TCAF1: variants seen among roughly 807,000 people sequenced by gnomAD.
TCAF1 encodes the protein TRPM8 channel-associated factor 1.
A neutral mutation model predicts 27.3 loss-of-function variants in TCAF1; 4 were observed. The observed-to-expected ratio is 0.15, with a 90% CI of 0.07 to 0.34. TCAF1 has a LOEUF of 0.34. Among genes scored for constraint, TCAF1 ranks in the 10% least tolerant of loss-of-function variants. The pLI is 1.00. For synonymous variants in TCAF1, 105 were observed against 167.1 expected (o/e 0.63, Z 2.87); for missense variants, 257 against 425.8 (o/e 0.60, Z 3.49).
chr7:143,887,953 G>C (rs1035246388), intron 1 of TCAF1, among the ~76,000 whole-genome samples: 4 of 152,264 alleles, frequency 2.6e-5, no homozygotes, highest in Admixed American at 6.5e-5. Flanking sequence ...GTAGTGACTA[G>C]AGAGGAACAC....
chr7:143,859,921 T>G, intron 6 of TCAF1, among the ~76,000 whole-genome samples: 1 of 74,952 alleles, frequency 1.3e-5, no homozygotes, highest in South Asian at 3.9e-4. Context: ...TTACGGAATA[T>G]ATATTATATA....
At chr7:143,886,901 C>T (rs1289239423) in intron 1 of TCAF1, among the ~76,000 whole-genome samples, 2 of 140,822 alleles carry the variant, frequency 1.4e-5, no homozygotes, top group Admixed American at 7.3e-5. Context: ...GAGATGGGGT[C>T]TCACTTTGTT....
intron 1 of TCAF1, chr7:143,882,983 G>C: frequency 1.6e-6 from 1 of 615,236 alleles, no homozygotes; most frequent in Non-Finnish European, 2.0e-6. Flanking sequence ...GCTTCTTTGT[G>C]TCGCCGGCCC....
chr7:143,885,360 T>G, intron 1 of TCAF1: 4 of 979,522 alleles, frequency 4.1e-6, no homozygotes, highest in Non-Finnish European at 3.6e-6. Context: ...TGGGCTGCAG[T>G]GCAGACGGTT....
intron 2 of TCAF1, among the ~76,000 whole-genome samples, chr7:143,874,464 T>C (rs1332571483): frequency 1.0e-5 from 1 of 100,184 alleles, no homozygotes; most frequent in Non-Finnish European, 2.0e-5. Flanking sequence ...CATCAATTTA[T>C]AAGGCTGGTC....
At chr7:143,894,573 G>C (rs560185149) in intron 1 of TCAF1, among the ~76,000 whole-genome samples, 1 of 151,764 alleles carries the variant, frequency 6.6e-6, no homozygotes, top group African/African-American at 2.4e-5. Flanking sequence ...AAAATACTCT[G>C]AGATAAATTA....
chr7:143,890,604 C>G (rs1464589369), intron 1 of TCAF1, among the ~76,000 whole-genome samples: 1 of 152,154 alleles, frequency 6.6e-6, no homozygotes, highest in Non-Finnish European at 1.5e-5. Flanking sequence ...GACTATAATC[C>G]TTGATGAACA....
chr7:143,900,683 G>A (rs371097856), intron 1 of TCAF1, among the ~76,000 whole-genome samples: 3 of 152,050 alleles, frequency 2.0e-5, no homozygotes, highest in Admixed American at 2.0e-4. Context: ...TTGTTTGTTC[G>A]CTTTGGTTTG....
intron 1 of TCAF1, among the ~76,000 whole-genome samples, chr7:143,900,556 T>A (rs759090240): frequency 1.3e-5 from 2 of 152,128 alleles, no homozygotes; most frequent in Non-Finnish European, 2.9e-5. Context: ...TGAGGCCCAG[T>A]CAATACCTTG....
intron 1 of TCAF1, among the ~76,000 whole-genome samples, chr7:143,896,920 T>A (rs1046507805): frequency 4.6e-5 from 7 of 150,842 alleles, no homozygotes; most frequent in African/African-American, 1.2e-4. Context: ...AAGAAGAAAG[T>A]AATAAAATAG....
At chr7:143,874,750 A>G (rs1185578281) in intron 2 of TCAF1, among the ~76,000 whole-genome samples, 1 of 152,192 alleles carries the variant, frequency 6.6e-6, no homozygotes. Context: ...TTTATGAACA[A>G]TGATAGCATA....
At chr7:143,884,858 T>A (rs1435708959) in intron 1 of TCAF1, 22 of 353,756 alleles carry the variant, frequency 6.2e-5, no homozygotes, top group Non-Finnish European at 8.7e-5. Flanking sequence ...TATTTCATAA[T>A]AAAATAAAAT....
In TCAF1 at chr7:143,878,112, C is replaced by T. The variant is rs78866546; in HGVS notation, c.-14-1490G>A. ...TAGGAATAATAATATCTGCCATATA[C>T]GCTTGTCCTGAGGATTAAGGGAAAT... is the stretch of plus-strand genomic sequence containing the variant. On this transcript the variant is annotated intron_variant, in intron 1 of 8. Transcript: ENST00000479870. Among the ~76,000 whole-genome samples, 882 of 152,216 alleles carry T rather than the reference C, an allele frequency of 5.8e-3. 5 individuals carry two copies. Among genetic ancestry groups the T allele is most frequent in the African/African-American group, 0.02 (820 of 41,522 alleles).
chr7:143,889,473 G>C (rs955362602), intron 1 of TCAF1, among the ~76,000 whole-genome samples: 13 of 152,192 alleles, frequency 8.5e-5, no homozygotes, highest in African/African-American at 3.1e-4. Context: ...GATGCATCAA[G>C]ATCAGCTGCA....
intron 1 of TCAF1, among the ~76,000 whole-genome samples, chr7:143,889,103 G>A (rs1813537705): frequency 6.6e-6 from 1 of 151,994 alleles, no homozygotes; most frequent in African/African-American, 2.4e-5. Context: ...TGGAGTAGAG[G>A]AAATTATTCA....
intron 1 of TCAF1, among the ~76,000 whole-genome samples, chr7:143,891,576 C>T (rs936806784): frequency 6.6e-6 from 1 of 151,462 alleles, no homozygotes; most frequent in Non-Finnish European, 1.5e-5. Flanking sequence ...CCATACATAA[C>T]ATAAGAGGAA....
rs1419937419 is a variant in TCAF1 at position 143,872,069 on chromosome 7, C to T, written c.620+3920G>A. 2.2e-4 allele frequency among the ~76,000 whole-genome samples: 14 copies of T among 63,412 alleles called. 5 individuals are homozygous for T. The highest frequency in any genetic ancestry group is 6.5e-5 in the Non-Finnish European group (2 of 30,812). 41.6% of individuals were successfully genotyped at this position (63,412 alleles called of 152,430 possible). On this transcript the variant is annotated intron_variant, in intron 2 of 8. Coordinates refer to ENST00000479870, the MANE Select transcript of TCAF1 (RefSeq NM_014719.3). ...ATCATGAAAAAAAAAAACAATTAGA[C>T]AAAGCCAAACTGAAGGGCATTCCAT...
intron 1 of TCAF1, among the ~76,000 whole-genome samples, chr7:143,880,178 G>A (rs1367696698): frequency 1.3e-5 from 2 of 152,168 alleles, no homozygotes; most frequent in Non-Finnish European, 2.9e-5. Flanking sequence ...ATTACTACAC[G>A]TGATTTCTGT....
At chr7:143,876,797 G>A (rs1812743648) in intron 1 of TCAF1, among the ~76,000 whole-genome samples, 175 bp from the exon 2 acceptor site, 1 of 152,138 alleles carries the variant, frequency 6.6e-6, no homozygotes, top group East Asian at 1.9e-4. Context: ...AGACCCCAAT[G>A]GGCCCTCTCC....
Sources: gnomAD v4.1 joint callset for allele counts (sites outside exome capture counted in the v4.1 genomes callset) on GRCh38, gnomAD v4.1.1 for gene constraint, MANE v1.5 for transcripts, NCBI Gene and HGNC (gene_info 2026-07-23, HGNC 2026-07-21) for gene names.